Variants in ATG4C observed in about 807,000 individuals in gnomAD.
ATG4C encodes the protein cysteine protease ATG4C.
In ATG4C, 56 loss-of-function variants were observed where a neutral mutation model predicts 57.6. The ratio of observed to expected loss-of-function variants is 0.97; its 90% CI spans 0.78 to 1.21. ATG4C has a LOEUF of 1.21. Ranked by LOEUF, ATG4C falls within the 50% of genes most tolerant of loss-of-function variation. The pLI is 0.00. For missense variants in ATG4C, 595 were observed against 529.8 expected, an observed-to-expected ratio of 1.12 and a Z score of -1.21; for synonymous variants, 157 against 174.1, an observed-to-expected ratio of 0.90 and a Z score of 0.78.
chr1:62,790,206 A>C (rs956667741), intron 1 of ATG4C, among the ~76,000 whole-genome samples: 2 of 152,160 alleles, frequency 1.3e-5, no homozygotes, highest in African/African-American at 2.4e-5. Flanking sequence ...GAGCCACTGT[A>C]CCCGGCCAAC....
At chr1:62,797,004 A>C (rs915807155) in intron 1 of ATG4C, among the ~76,000 whole-genome samples, 1 of 152,072 alleles carries the variant, frequency 6.6e-6, no homozygotes, top group Admixed American at 6.6e-5. Flanking sequence ...GCTACTCCTG[A>C]GGCTGATGCA....
intron 10 of ATG4C, among the ~76,000 whole-genome samples, chr1:62,850,905 T>TATATAC (rs1557992762): frequency 2.2e-5 from 1 of 45,524 alleles, no homozygotes; most frequent in Non-Finnish European, 4.6e-5. Flanking sequence ...TATATATACA[T>TATATAC]ACACATACAC....
intron 1 of ATG4C, among the ~76,000 whole-genome samples, chr1:62,794,934 G>T (rs959103086): frequency 6.6e-6 from 1 of 152,210 alleles, no homozygotes; most frequent in African/African-American, 2.4e-5. Context: ...TACTAAAAAT[G>T]CAAGCAGGTA....
chr1:62,819,245 T>C lies in ATG4C; in HGVS notation c.635T>C (p.Phe212Ser), dbSNP rs1665400555. 2 of 1,613,612 alleles carry C rather than the reference T, an allele frequency of 1.2e-6. No homozygotes were observed. Among genetic ancestry groups the C allele is most frequent in the East Asian group, 2.2e-5 (1 of 44,840 alleles). Residue 212 changes from phenylalanine (F) to serine (S), a missense_variant, in exon 5 of 11, where the codon TTT (phenylalanine) becomes TCT (serine). Physicochemically the swap from Phe to Ser is radical, Grantham distance 155. Coordinates refer to ENST00000317868, the MANE Select transcript of ATG4C (RefSeq NM_032852.4). ...TTTGGTGATTCCCCCTTGGCTCTTT[T>C]TGGCTTACATCAACTAATAGAATAT... is the stretch of plus-strand genomic sequence containing the variant. ...SWFGDSPLAL[F>S]GLHQLIEYGK...
chr1:62,821,015 C>T, intron 5 of ATG4C, 124 bp from the exon 6 acceptor site: 1 of 612,074 alleles, frequency 1.6e-6, no homozygotes, highest in South Asian at 2.5e-5. Context: ...TTTTTGACAG[C>T]AGACACTATG....
chr1:62,848,237 C>T (rs1261402450), intron 10 of ATG4C, among the ~76,000 whole-genome samples: 1 of 152,144 alleles, frequency 6.6e-6, no homozygotes, highest in Non-Finnish European at 1.5e-5. Context: ...TGAATTACAA[C>T]TTTAAATGTT....
intron 1 of ATG4C, among the ~76,000 whole-genome samples, chr1:62,796,504 A>T (rs1664473772): frequency 6.6e-6 from 1 of 152,086 alleles, no homozygotes; most frequent in South Asian, 2.1e-4. Flanking sequence ...GTCTTTAAGA[A>T]CCACAAGAAT....
At chr1:62,842,606 A>C (rs1181841577) in intron 10 of ATG4C, among the ~76,000 whole-genome samples, 1 of 152,192 alleles carries the variant, frequency 6.6e-6, no homozygotes, top group African/African-American at 2.4e-5. Flanking sequence ...TTTATTCAGG[A>C]AAGTGGACAT....
intron 5 of ATG4C, among the ~76,000 whole-genome samples, chr1:62,820,164 A>G (rs1279822447): frequency 1.3e-5 from 2 of 152,074 alleles, no homozygotes; most frequent in African/African-American, 4.8e-5. Context: ...TAATATATCA[A>G]TTCCAACTTG....
At position 62,841,477 on chromosome 1, in the gene ATG4C, C is replaced by G; in HGVS notation, c.1139C>G (p.Pro380Arg). The change falls in exon 10 of 11, where the codon CCC becomes CGC. Residue 380 changes from proline (P) to arginine (R), a missense_variant. Physicochemically the swap from Pro to Arg is moderately radical, Grantham distance 103. Coordinates refer to ENST00000317868, the MANE Select transcript of ATG4C (RefSeq NM_032852.4). ...AAGATGTCTTTTCGAAAAATGGATCCCAGCTGTACAATAGGATTTTACTGT... is the reference window on the plus strand; with the variant it reads ...AAGATGTCTTTTCGAAAAATGGATCGCAGCTGTACAATAGGATTTTACTGT... ...PKKMSFRKMD[P>R]SCTIGFYCRN... 1.9e-6 allele frequency: 3 copies of G among 1,607,338 alleles called. No homozygotes were observed. Among genetic ancestry groups the G allele is most frequent in the Non-Finnish European group, 2.6e-6 (3 of 1,176,426 alleles).
At chr1:62,818,367 T>C (rs978461858) in intron 4 of ATG4C, among the ~76,000 whole-genome samples, 3 of 152,158 alleles carry the variant, frequency 2.0e-5, no homozygotes, top group African/African-American at 7.2e-5. Flanking sequence ...TAAATGTTAG[T>C]AAATATGTTT....
At chr1:62,826,241 T>A (rs1363252518) in intron 6 of ATG4C, among the ~76,000 whole-genome samples, 5 of 198 alleles carry the variant, frequency 0.025, no homozygotes, top group East Asian at 0.2. Flanking sequence ...CATTCCCTAT[T>A]TTTTTTTTTT....
intron 3 of ATG4C, among the ~76,000 whole-genome samples, chr1:62,805,930 G>A (rs1470990239): frequency 6.6e-6 from 1 of 152,094 alleles, no homozygotes; most frequent in Non-Finnish European, 1.5e-5. Context: ...ATCCTTGCTT[G>A]GTTTTGTGTT....
intron 6 of ATG4C, among the ~76,000 whole-genome samples, chr1:62,828,497 T>G (rs1182858742): frequency 6.6e-6 from 1 of 152,148 alleles, no homozygotes; most frequent in East Asian, 1.9e-4. Flanking sequence ...TTAATGGGGT[T>G]GTTTGTTTTT....
intron 6 of ATG4C, among the ~76,000 whole-genome samples, chr1:62,826,132 G>A (rs931560274): frequency 1.3e-5 from 2 of 151,308 alleles, no homozygotes; most frequent in Non-Finnish European, 2.9e-5. Flanking sequence ...TGGCCTCGAA[G>A]TCCTGACCTC....
chr1:62,854,004 T>G (rs1330569301), intron 10 of ATG4C, among the ~76,000 whole-genome samples: 1 of 152,092 alleles, frequency 6.6e-6, no homozygotes, highest in Non-Finnish European at 1.5e-5. Context: ...AGATTTCCTC[T>G]GCTTTACCTT....
chr1:62,789,779 T>G (rs1174479726), intron 1 of ATG4C, among the ~76,000 whole-genome samples: 1 of 151,968 alleles, frequency 6.6e-6, no homozygotes, highest in African/African-American at 2.4e-5. Context: ...TTCGCGCCAC[T>G]GCACTCCAGC....
chr1:62,805,136 CA>C, intron 2 of ATG4C, 35 bp from the exon 3 acceptor site: 1 of 1,496,476 alleles, frequency 6.7e-7, no homozygotes, highest in African/African-American at 1.5e-5. Context: ...CTTTTAATTA[CA>C]AAACGTTTTC....
chr1:62,815,899 G>C (rs1665255595), intron 3 of ATG4C, among the ~76,000 whole-genome samples: 1 of 152,096 alleles, frequency 6.6e-6, no homozygotes, highest in Non-Finnish European at 1.5e-5. Context: ...TGTCCAGGCT[G>C]GTCTTGAACT....
Sources: allele counts gnomAD v4.1 joint callset (sites outside exome capture counted in the v4.1 genomes callset), GRCh38; gene constraint gnomAD v4.1.1; transcripts MANE v1.5; gene names NCBI Gene and HGNC (gene_info 2026-07-23, HGNC 2026-07-21).